The following GRIK1 variants were observed in gnomAD, a reference collection of about 807,000 sequenced individuals.
The protein encoded by GRIK1 is glutamate receptor ionotropic, kainate 1.
Under a neutral mutation model 105.7 loss-of-function variants are expected in GRIK1, and 69 were observed. That is an observed-to-expected ratio of 0.65 (90% CI 0.54 to 0.80). GRIK1 has a LOEUF of 0.80. Ranked by LOEUF, GRIK1 falls within the 30% of genes least tolerant of loss-of-function variation. GRIK1 has a pLI of 0.00. For synonymous variants in GRIK1, 438 were observed against 431.3 expected (o/e 1.02, Z -0.19); for missense variants, 1,109 against 1,167.3 (o/e 0.95, Z 0.73).
intron 3 of GRIK1, among the ~76,000 whole-genome samples, chr21:29,684,210 A>G (rs769862612): frequency 1.3e-5 from 2 of 152,176 alleles, no homozygotes; most frequent in Non-Finnish European, 2.9e-5. Context: ...ACTTAGGATA[A>G]TGTCTGGCAG....
intron 1 of GRIK1, among the ~76,000 whole-genome samples, chr21:29,730,727 C>A (rs898067985): frequency 6.6e-6 from 1 of 152,094 alleles, no homozygotes. Context: ...TTTTACCATT[C>A]TCTCTTTCTA....
intron 1 of GRIK1, among the ~76,000 whole-genome samples, chr21:29,707,938 C>G (rs1187101940): frequency 2.0e-5 from 3 of 152,296 alleles, no homozygotes; most frequent in South Asian, 4.1e-4. Flanking sequence ...CAGTTCTTCA[C>G]TGTTATACAT....
intron 1 of GRIK1, among the ~76,000 whole-genome samples, chr21:29,770,952 G>A (rs1381124671): frequency 1.3e-5 from 2 of 152,174 alleles, no homozygotes; most frequent in Non-Finnish European, 2.9e-5. Context: ...AGTGGGATGA[G>A]TCAGGAGGGA....
chr21:29,856,314 A>G (rs1439468012), intron 1 of GRIK1, among the ~76,000 whole-genome samples: 35 of 152,210 alleles, frequency 2.3e-4, no homozygotes, highest in Non-Finnish European at 7.3e-5. Flanking sequence ...ATCAGCATAC[A>G]GCACCAGAGC....
intron 1 of GRIK1, among the ~76,000 whole-genome samples, chr21:29,859,579 A>G (rs913940690): frequency 2.6e-5 from 4 of 152,200 alleles, no homozygotes; most frequent in African/African-American, 9.6e-5. Flanking sequence ...CACACTGGGA[A>G]GGTAAGACTG....
intron 1 of GRIK1, among the ~76,000 whole-genome samples, chr21:29,789,438 C>T (rs941433201): frequency 2.0e-5 from 3 of 152,196 alleles, no homozygotes; most frequent in Non-Finnish European, 4.4e-5. Flanking sequence ...ATAATCCCTC[C>T]TGAAAATCAT....
intron 1 of GRIK1, among the ~76,000 whole-genome samples, chr21:29,865,197 T>G (rs1442828405): frequency 2.6e-5 from 4 of 152,202 alleles, no homozygotes; most frequent in African/African-American, 4.8e-5. Flanking sequence ...AGACATAATG[T>G]TATAGTAGCA....
chr21:29,908,545 A>G (rs1226305021), intron 1 of GRIK1, among the ~76,000 whole-genome samples: 1 of 152,224 alleles, frequency 6.6e-6, no homozygotes, highest in Non-Finnish European at 1.5e-5. Context: ...AAAATTAACC[A>G]GGCATATTCT....
At chr21:29,721,665 T>C (rs2064326945) in intron 1 of GRIK1, among the ~76,000 whole-genome samples, 1 of 151,614 alleles carries the variant, frequency 6.6e-6, no homozygotes, top group Non-Finnish European at 1.5e-5. Context: ...TCCCCAAGTT[T>C]AAAATACACA....
chr21:29,727,823 T>A (rs921621193), intron 1 of GRIK1, among the ~76,000 whole-genome samples: 2 of 152,186 alleles, frequency 1.3e-5, no homozygotes, highest in Non-Finnish European at 2.9e-5. Flanking sequence ...TTATGGAGGC[T>A]GTTTTTAGCC....
chr21:29,659,515 G>A (rs912790505), intron 4 of GRIK1, among the ~76,000 whole-genome samples: 9 of 152,154 alleles, frequency 5.9e-5, no homozygotes, highest in Non-Finnish European at 7.3e-5. Context: ...AATCAGCAGC[G>A]GGGGAGTGTC....
At chr21:29,899,137 C>T (rs2070292150) in intron 1 of GRIK1, among the ~76,000 whole-genome samples, 1 of 152,140 alleles carries the variant, frequency 6.6e-6, no homozygotes, top group Non-Finnish European at 1.5e-5. Context: ...TTGAAATCAG[C>T]TAAATATATA....
At chr21:29,867,878 G>GAAAGAAGGAA (rs1569174260) in intron 1 of GRIK1, among the ~76,000 whole-genome samples, 12 of 15,924 alleles carry the variant, frequency 7.5e-4, no homozygotes, top group African/African-American at 3.9e-3. Flanking sequence ...AAGAGAGAAA[G>GAAAGAAGGAA]AGAGAGAAAG....
chr21:29,585,570 T>C (rs189887458), intron 12 of GRIK1, among the ~76,000 whole-genome samples: 52 of 152,266 alleles, frequency 3.4e-4, no homozygotes, highest in Non-Finnish European at 6.3e-4. Context: ...CTGCAAAATA[T>C]GGAAACTCAC....
intron 1 of GRIK1, among the ~76,000 whole-genome samples, chr21:29,922,701 C>T (rs1262258001): frequency 1.3e-5 from 2 of 152,188 alleles, no homozygotes; most frequent in Admixed American, 1.3e-4. Flanking sequence ...AGTTACTTTG[C>T]TTAAAAATGA....
chr21:29,664,420 T>C (rs1000700951), intron 4 of GRIK1, among the ~76,000 whole-genome samples: 2 of 152,224 alleles, frequency 1.3e-5, no homozygotes, highest in African/African-American at 4.8e-5. Flanking sequence ...TTATATTTAA[T>C]ACATTGTCAC....
In GRIK1 at chr21:29,587,583, C is replaced by T; in HGVS notation, c.1576G>A (p.Asp526Asn). 6.2e-7 allele frequency: 1 copy of T among 1,606,086 alleles called. No individual in the cohort carries two copies. ...ATGGTAAGAGGAGCCACTGCCAGGTCAGCCCTCTGCAAAAGCAAGTCCAAA... is the reference window on the plus strand; with the variant it reads ...ATGGTAAGAGGAGCCACTGCCAGGTTAGCCCTCTGCAAAAGCAAGTCCAAA... ...MVKELIDHRA[D>N]LAVAPLTITY... The change falls in exon 12 of 18, where the codon GAC becomes AAC. Residue 526 changes from aspartate to asparagine, a missense_variant. Physicochemically the swap from Asp to Asn is conservative, Grantham distance 23. This residue lies in a region of GRIK1 where 54 missense variants were observed against 88.1 expected (regional missense o/e 0.61). Coordinates refer to ENST00000327783, the MANE Select transcript of GRIK1 (RefSeq NM_001330994.2).
intron 1 of GRIK1, among the ~76,000 whole-genome samples, chr21:29,860,108 A>G (rs1254247648): frequency 6.6e-6 from 1 of 152,208 alleles, no homozygotes; most frequent in Admixed American, 6.5e-5. Flanking sequence ...AGAATCAAAG[A>G]CTTTTAACTT....
chr21:29,762,320 T>C (rs2065547769), intron 1 of GRIK1, among the ~76,000 whole-genome samples: 1 of 152,216 alleles, frequency 6.6e-6, no homozygotes, highest in South Asian at 2.1e-4. Context: ...AACACTAACT[T>C]AAAAATAAGA....
Sources: allele counts gnomAD v4.1 joint callset (sites outside exome capture counted in the v4.1 genomes callset), GRCh38; gene constraint gnomAD v4.1.1; regional missense constraint gnomAD v4.1.1; transcripts MANE v1.5; gene names NCBI Gene and HGNC (gene_info 2026-07-23, HGNC 2026-07-21).